The following CELF2 variants were observed in gnomAD, a reference collection of about 807,000 sequenced individuals.
CELF2 encodes the protein CUG triplet repeat RNA-binding protein 2.
A neutral mutation model predicts 62.6 loss-of-function variants in CELF2; 8 were observed. The ratio of observed to expected loss-of-function variants is 0.13; its 90% CI spans 0.07 to 0.23. The LOEUF (loss-of-function observed/expected upper bound fraction) is 0.23. Among genes scored for constraint, CELF2 ranks in the 10% least tolerant of loss-of-function variants. The probability of loss-of-function intolerance (pLI) is 1.00; values close to 1 mark genes in which losing one functional copy is unlikely to be tolerated. For synonymous variants in CELF2, 258 were observed against 250.0 expected (o/e 1.03, Z -0.30); for missense variants, 333 against 671.0 (o/e 0.50, Z 5.56).
At chr10:11,044,744 G>T (rs2062509372) in intron 1 of CELF2, among the ~76,000 whole-genome samples, 1 of 152,044 alleles carries the variant, frequency 6.6e-6, no homozygotes. Flanking sequence ...TCTTATTGTG[G>T]TTCTAATAAG....
At chr10:10,834,729 T>A (rs1358102314) in intron 1 of CELF2, among the ~76,000 whole-genome samples, 2 of 152,110 alleles carry the variant, frequency 1.3e-5, no homozygotes, top group African/African-American at 4.8e-5. Flanking sequence ...ATCTTCAACA[T>A]CCCACTTCAG....
At chr10:10,994,611 C>A (rs2053760413) in intron 2 of CELF2, among the ~76,000 whole-genome samples, 1 of 152,190 alleles carries the variant, frequency 6.6e-6, no homozygotes, top group Admixed American at 6.5e-5. Context: ...TAAACGAGCA[C>A]AAACCCTGTT....
At chr10:11,119,864 T>TCTCCCCC (rs1399108400) in intron 1 of CELF2, among the ~76,000 whole-genome samples, 145 of 112,066 alleles carry the variant, frequency 1.3e-3, no homozygotes, top group Non-Finnish European at 1.6e-3. Flanking sequence ...TGATTCCGCC[T>TCTCCCCC]CCCCCCCCCC....
the CELF2 span, among the ~76,000 whole-genome samples, chr10:10,616,190 T>C: frequency 6.6e-6 from 1 of 152,058 alleles, no homozygotes; most frequent in Non-Finnish European, 1.5e-5. Flanking sequence ...TGTTCCCTAG[T>C]TCAGTGTTTG....
In CELF2 at chr10:10,972,948, C is replaced by T. The variant is rs893150112; in HGVS notation, c.89+52949C>T. 1.3e-5 allele frequency among the ~76,000 whole-genome samples: 2 copies of T among 151,996 alleles called. No homozygotes were observed. The highest frequency in any genetic ancestry group is 1.9e-4 in the East Asian group (1 of 5,170). ...AGATGGAAAGATGTGAAGGGAGGGT[C>T]GAGATGTTTTTAATGGCAAAGAATG... On this transcript the variant is annotated intron_variant, in intron 2 of 13. Transcript: ENST00000636488. The surrounding 1 kb of genome is among the most constrained non-coding windows in gnomAD (Gnocchi z 4.4).
upstream of CELF2, among the ~76,000 whole-genome samples, chr10:11,014,095 T>G (rs922866856): frequency 2.0e-5 from 3 of 152,256 alleles, no homozygotes; most frequent in African/African-American, 7.2e-5. Flanking sequence ...CTGGACGTGT[T>G]TTTTTGTTTC....
At chr10:10,976,341 C>G (rs371038323) in intron 2 of CELF2, among the ~76,000 whole-genome samples, 12 of 152,304 alleles carry the variant, frequency 7.9e-5, no homozygotes, top group African/African-American at 2.9e-4. Flanking sequence ...TGATCCAAGT[C>G]TAGAATGTGG....
chr10:10,631,293 A>C, the CELF2 span, among the ~76,000 whole-genome samples: 3 of 152,184 alleles, frequency 2.0e-5, no homozygotes, highest in Non-Finnish European at 2.9e-5. Context: ...GTTCAAAACC[A>C]TGCACATGTA....
Position 11,138,908 on chromosome 10 carries a change from C to T in CELF2, c.75-26578C>T, listed in dbSNP as rs528660869. ...CCATTTAACTTGAGCCTGGAACATA[C>T]TGAAGGCATTAAGTGCAGTGGTATG... On this transcript the variant is annotated intron_variant, in intron 1 of 12. Transcript: ENST00000633077. Among the ~76,000 whole-genome samples, 11 of 152,316 alleles carry T rather than the reference C, an allele frequency of 7.2e-5. No homozygotes were observed. In the South Asian group the frequency reaches 2.1e-3, roughly 29 times the overall value.
chr10:10,617,501 C>T, the CELF2 span, among the ~76,000 whole-genome samples: 2 of 152,128 alleles, frequency 1.3e-5, no homozygotes, highest in Non-Finnish European at 2.9e-5. Context: ...ATTCTAGATA[C>T]TGGATTGGAA....
intron 1 of CELF2, among the ~76,000 whole-genome samples, chr10:11,161,557 T>C (rs1281851203): frequency 1.3e-5 from 2 of 152,240 alleles, no homozygotes; most frequent in Non-Finnish European, 2.9e-5. Flanking sequence ...ATTGGGTTCA[T>C]CTCCAAAACA....
intron 1 of CELF2, among the ~76,000 whole-genome samples, chr10:11,112,843 T>C (rs377220147): frequency 6.6e-6 from 1 of 152,232 alleles, no homozygotes; most frequent in South Asian, 2.1e-4. Context: ...GCGTAGCCCA[T>C]ATCCGAAGCT....
At chr10:11,069,480 T>C (rs1291860) in intron 1 of CELF2, among the ~76,000 whole-genome samples, 18,129 of 152,232 alleles carry the variant, frequency 0.12, 1,417 homozygotes, top group African/African-American at 0.22. Context: ...ACGGTATTCA[T>C]ATCCAGTTAG....
the CELF2 span, among the ~76,000 whole-genome samples, chr10:10,758,520 C>T: frequency 2.6e-5 from 4 of 152,200 alleles, no homozygotes; most frequent in Non-Finnish European, 5.9e-5. Context: ...CTAGGCAAAA[C>T]GCCAGCCATG....
At chr10:10,715,646 C>G in the CELF2 span, among the ~76,000 whole-genome samples, 3 of 152,230 alleles carry the variant, frequency 2.0e-5, no homozygotes, top group East Asian at 5.8e-4. Context: ...TATCCAAAAC[C>G]TCTTTGGTAG....
At chr10:11,226,201 C>A (rs2066481188) in intron 3 of CELF2, among the ~76,000 whole-genome samples, 1 of 152,248 alleles carries the variant, frequency 6.6e-6, no homozygotes, top group African/African-American at 2.4e-5. Context: ...CTCCACAGGA[C>A]ATCTGTTGTA....
intron 1 of CELF2, among the ~76,000 whole-genome samples, chr10:10,915,063 C>T (rs1452051583): frequency 2.0e-5 from 3 of 148,960 alleles, no homozygotes; most frequent in South Asian, 4.2e-4. Flanking sequence ...TCCTGGGAGG[C>T]GGAGGTTGCA....
intron 1 of CELF2, among the ~76,000 whole-genome samples, chr10:11,020,054 C>G (rs1033758233): frequency 6.6e-6 from 1 of 152,204 alleles, no homozygotes; most frequent in African/African-American, 2.4e-5. Context: ...TTATGAATTA[C>G]AAAAATTTAA....
intron 1 of CELF2, among the ~76,000 whole-genome samples, chr10:10,832,290 A>G (rs1198010975): frequency 7.2e-6 from 1 of 138,182 alleles, no homozygotes; most frequent in Non-Finnish European, 1.6e-5. Context: ...AAAAATAAAT[A>G]AATAAATAAG....
Sources: allele counts gnomAD v4.1 joint callset (sites outside exome capture counted in the v4.1 genomes callset), GRCh38; gene constraint gnomAD v4.1.1; non-coding constraint Gnocchi (gnomAD v3.1); transcripts MANE v1.5; gene names NCBI Gene and HGNC (gene_info 2026-07-23, HGNC 2026-07-21).